CA11: variants seen among roughly 807,000 people sequenced by gnomAD.
The protein encoded by CA11 is carbonic anhydrase 11 (inactive), also known as carbonic anhydrase-related protein 11.
Under a neutral mutation model 39.3 loss-of-function variants are expected in CA11, and 20 were observed. The observed-to-expected ratio is 0.51, with a 90% CI of 0.36 to 0.74. CA11 has a LOEUF of 0.74. CA11 is among the 30% of genes least tolerant of loss of function. The probability of loss-of-function intolerance (pLI) is 0.00; values close to 1 mark genes in which losing one functional copy is unlikely to be tolerated. For missense variants in CA11, 336 were observed against 424.6 expected (o/e 0.79, Z 1.83); for synonymous variants, 166 against 172.5 (o/e 0.96, Z 0.29).
At chr19:48,645,313 G>C (rs570511339) in intron 2 of CA11, 90 bp downstream of exon 2, 4 of 1,150,772 alleles carry the variant, frequency 3.5e-6, no homozygotes, top group Non-Finnish European at 3.8e-6. Flanking sequence ...TGGTCCTGGG[G>C]GGGAGGAGGG....
rs541610646 is a variant in CA11 at position 48,639,829 on chromosome 19, G to C, written c.526C>G (p.Arg176Gly). The change falls in exon 5 of 9, where the codon CGC (arginine) becomes GGC (glycine). Residue 176 changes from arginine to glycine, a missense_variant. Coordinates refer to ENST00000084798, the MANE Select transcript of CA11 (RefSeq NM_001217.5). ...ELYGNFSAASRGPNGLAILSL... is the reference protein window; with the variant it reads ...ELYGNFSAASGGPNGLAILSL... The stretch of plus-strand genomic sequence containing the variant: ...AGAATGGCCAGGCCATTGGGGCCGC[G>C]GGAGGCAGCGCTGAAATTCCCGTAG... 5 of 1,614,020 alleles carry C rather than the reference G, an allele frequency of 3.1e-6. No individual in the cohort carries two copies. The highest frequency in any genetic ancestry group is 4.2e-6 in the Non-Finnish European group (5 of 1,180,016).
At position 48,645,654 on chromosome 19, in the gene CA11, C is replaced by G; in HGVS notation, c.-22G>C. ...CCATCCCCAGGAGGCCTCCGAGGGA[C>G]CCCTGCCCAACGCCCTGCCCCCCTC... On this transcript the variant is annotated 5_prime_UTR_variant, in exon 1 of 9. Coordinates refer to ENST00000084798, the MANE Select transcript of CA11 (RefSeq NM_001217.5). 1 of 1,528,922 alleles carries G rather than the reference C, an allele frequency of 6.5e-7. No homozygotes were observed. Among genetic ancestry groups the G allele is most frequent in the Non-Finnish European group, 8.8e-7 (1 of 1,138,926 alleles). The allele number at this position is 1,528,922 out of a possible 1,614,324, so 94.7% of individuals were successfully genotyped here.
intron 8 of CA11, 55 bp from the exon 9 acceptor site, chr19:48,638,199 G>A: frequency 1.7e-6 from 2 of 1,181,802 alleles, no homozygotes; most frequent in Non-Finnish European, 2.2e-6. Context: ...AAGGGGCGGG[G>A]GGTGTGCAGG....
chr19:48,644,640 T>C, intron 2 of CA11, 71 bp from the exon 3 acceptor site: 1 of 1,333,318 alleles, frequency 7.5e-7, no homozygotes, highest in Non-Finnish European at 1.0e-6. Context: ...TGGTATCTGC[T>C]GAGTGGGCTG....
rs1169751929 is a variant in CA11, at chr19:48,643,630, CAAA to C, written c.285+794_285+796del. Among the ~76,000 whole-genome samples, 7 of 109,374 alleles carry C rather than the reference CAAA, an allele frequency of 6.4e-5. No individual in the cohort carries two copies. Among genetic ancestry groups the C allele is most frequent in the Admixed American group, 9.1e-5 (1 of 11,010 alleles). The allele number at this position is 109,374 out of a possible 152,430, so 71.8% of individuals were successfully genotyped here. ...GGGTCACAGAGTGAGATCCCAATTC[CAAA>C]AAAAAAAAAAAAAAGTATGGTTCCC... On this transcript the variant is annotated intron_variant, in intron 3 of 8. Coordinates refer to ENST00000084798, the MANE Select transcript of CA11 (RefSeq NM_001217.5). This position sits in a 1 kb window ranked among gnomAD's most constrained non-coding sequence, Gnocchi z 4.3.
intron 4 of CA11, 38 bp downstream of exon 4, chr19:48,640,057 G>A: frequency 6.3e-7 from 1 of 1,598,886 alleles, no homozygotes; most frequent in Non-Finnish European, 8.6e-7. Flanking sequence ...GGGTGACTCA[G>A]GGCGGAGGGT....
intron 8 of CA11, chr19:48,638,459 G>T: frequency 1.2e-6 from 1 of 832,408 alleles, no homozygotes; most frequent in Non-Finnish European, 1.5e-6. Context: ...AGGCAGAGGT[G>T]GAGGGAAGGG....
chr19:48,640,717 C>G (rs2031052890), intron 3 of CA11, among the ~76,000 whole-genome samples: 2 of 148,978 alleles, frequency 1.3e-5, no homozygotes, highest in South Asian at 2.1e-4. Flanking sequence ...CTCTGTCGCC[C>G]GGGTTGGAGT....
chr19:48,646,061 T>A lies in CA11; in HGVS notation c.-429A>T. 2.8e-6 allele frequency: 1 copy of A among 357,570 alleles called. No individual in the cohort carries two copies. The highest frequency in any genetic ancestry group is 1.2e-4 in the South Asian group (1 of 8,646). 22.1% of individuals were successfully genotyped at this position (357,570 alleles called of 1,614,324 possible). ...TCCTCCCTCTCTCCTTTCCAGCTCC[T>A]GCCTCTTCTCCCCTCTCTCCTTCTT... On this transcript the variant is annotated 5_prime_UTR_variant, in exon 1 of 9. Transcript: ENST00000084798.
At chr19:48,638,398 A>G (rs1346773073) in intron 8 of CA11, 11 of 768,934 alleles carry the variant, frequency 1.4e-5, no homozygotes, top group Admixed American at 7.3e-5. Context: ...TGTGGACTGT[A>G]CCATGTTGCG....
At position 48,638,988 on chromosome 19, in the gene CA11, G is replaced by A. The variant is rs372957525; in HGVS notation, c.861C>T (p.Asn287=). Residue 287 remains asparagine, a synonymous_variant, in exon 8 of 9, where the codon AAC becomes AAT. Coordinates refer to ENST00000084798, the MANE Select transcript of CA11 (RefSeq NM_001217.5). Reference sequence around the variant, plus strand: ...GGGCCAAGGGCTGCAGGGGCCGGCTGTTACCGCTGAGGCTCTGGAAGATCT... The same window carrying A: ...GGGCCAAGGGCTGCAGGGGCCGGCTATTACCGCTGAGGCTCTGGAAGATCT... ...PSQIFQSLSG[N]SRPLQPLAHR... is the part of the protein sequence containing the mutation. The A allele has an allele frequency of 5.9e-5, 96 of 1,613,890 alleles. 1 individual carries two copies. In the South Asian group the frequency reaches 9.8e-4, roughly 16 times the overall value.
Position 48,643,895 on chromosome 19 carries a change from A to T in CA11, c.285+532T>A, listed in dbSNP as rs1479262046. Among the ~76,000 whole-genome samples, 2 of 152,082 alleles carry T rather than the reference A, an allele frequency of 1.3e-5. No homozygotes were observed. The highest frequency in any genetic ancestry group is 2.9e-5 in the Non-Finnish European group (2 of 68,016). ...GATCACCTGAGGTCAGGAGTTCAAG[A>T]CCAGCCTGACCAAAATGGAGAAAAC... On this transcript the variant is annotated intron_variant, in intron 3 of 8. Coordinates refer to ENST00000084798, the MANE Select transcript of CA11 (RefSeq NM_001217.5). This position sits in a 1 kb window ranked among gnomAD's most constrained non-coding sequence, Gnocchi z 4.3.
chr19:48,638,976 C>A lies in CA11; in HGVS notation c.873G>T (p.Leu291=), dbSNP rs750505486. Reference sequence around the variant, plus strand: ...TCAGTGCCCTGTGGGCCAAGGGCTGCAGGGGCCGGCTGTTACCGCTGAGGC... The same window carrying A: ...TCAGTGCCCTGTGGGCCAAGGGCTGAAGGGGCCGGCTGTTACCGCTGAGGC... The part of the protein sequence containing the change: ...FQSLSGNSRP[L]QPLAHRALRG... Residue 291 remains leucine (L), a synonymous_variant, in exon 8 of 9, where the codon CTG becomes CTT. Coordinates refer to ENST00000084798, the MANE Select transcript of CA11 (RefSeq NM_001217.5). 6.2e-7 allele frequency: 1 copy of A among 1,613,736 alleles called. No homozygotes were observed. Among genetic ancestry groups the A allele is most frequent in the Admixed American group, 1.7e-5 (1 of 59,976 alleles).
chr19:48,642,601 C>T (rs1173236888), intron 3 of CA11, among the ~76,000 whole-genome samples: 1 of 138,842 alleles, frequency 7.2e-6, no homozygotes, highest in Non-Finnish European at 1.7e-5. Flanking sequence ...GCTGTTATTA[C>T]ATATCCTAAT....
rs1389742691 is a variant in CA11, at chr19:48,645,676, CCT to C, written c.-46_-45del. 1.4e-6 allele frequency: 2 copies of C among 1,429,760 alleles called. No homozygotes were observed. Among genetic ancestry groups the C allele is most frequent in the Non-Finnish European group, 1.9e-6 (2 of 1,072,700 alleles). The allele number at this position is 1,429,760 out of a possible 1,614,324, so 88.6% of individuals were successfully genotyped here. On this transcript the variant is annotated 5_prime_UTR_variant, in exon 1 of 9. Coordinates refer to ENST00000084798, the MANE Select transcript of CA11 (RefSeq NM_001217.5). ...GGACCCCTGCCCAACGCCCTGCCCC[CCT>C]CTCTCAGCTCCTCTGTCCCCTCCTT...
At chr19:48,639,171 C>T in intron 7 of CA11, 118 bp from the exon 8 acceptor site, 2 of 1,522,680 alleles carry the variant, frequency 1.3e-6, no homozygotes, top group African/African-American at 1.4e-5. Flanking sequence ...CCCCACCCAC[C>T]CCCAAGGTGG....
chr19:48,645,942 C>A lies in CA11; in HGVS notation c.-310G>T. On this transcript the variant is annotated 5_prime_UTR_variant, in exon 1 of 9. Transcript: ENST00000084798. ...CCTTCTGCTGCCCCCAGGGCTACCT[C>A]TTGGTTCCTAACCCACACCTCCTCT... 2.2e-6 allele frequency: 1 copy of A among 455,896 alleles called. No homozygotes were observed. The highest frequency in any genetic ancestry group is 3.8e-6 in the Non-Finnish European group (1 of 260,542). The allele number at this position is 455,896 out of a possible 1,614,324, so 28.2% of individuals were successfully genotyped here.
chr19:48,638,373 A>AT (rs1383136811), intron 8 of CA11: 19 of 32,306 alleles, frequency 5.9e-4, no homozygotes, highest in South Asian at 1.3e-3. Flanking sequence ...GAAGGTCTTC[A>AT]TGGGGGGGGG....
chr19:48,640,296 G>A lies in CA11; in HGVS notation c.286-16C>T, dbSNP rs772647592. On this transcript the variant is annotated splice_polypyrimidine_tract_variant and intron_variant, in intron 3 of 8. Coordinates refer to ENST00000084798, the MANE Select transcript of CA11 (RefSeq NM_001217.5). ...TTCCCCGGAGCTGTGGGAGAGGCGG[G>A]AGCTGTCAGGGGGCAGGGAGAGATC... 106 of 1,611,538 alleles carry A rather than the reference G, an allele frequency of 6.6e-5. No individual in the cohort carries two copies. Among genetic ancestry groups the A allele is most frequent in the Admixed American group, 8.4e-5 (5 of 59,808 alleles).
Sources: allele counts gnomAD v4.1 joint callset (sites outside exome capture counted in the v4.1 genomes callset), GRCh38; gene constraint gnomAD v4.1.1; non-coding constraint Gnocchi (gnomAD v3.1); transcripts MANE v1.5; gene names NCBI Gene and HGNC (gene_info 2026-07-23, HGNC 2026-07-21).